CSMD3: variants seen among roughly 807,000 people sequenced by gnomAD.
CSMD3 encodes CUB and sushi domain-containing protein 3.
A neutral mutation model predicts 435.2 loss-of-function variants in CSMD3; 177 were observed. The observed-to-expected ratio is 0.41, with a 90% confidence interval of 0.36 to 0.46. The LOEUF is 0.46. Among genes scored for constraint, CSMD3 ranks in the 20% least tolerant of loss-of-function variants. CSMD3 has a pLI of 0.34. For synonymous variants in CSMD3, 1,656 were observed against 1,520.5 expected (o/e 1.09, Z -2.07); for missense variants, 4,265 against 4,504.6 (o/e 0.95, Z 1.52).
chr8:112,722,552 C>A (rs1027525933), intron 13 of CSMD3, among the ~76,000 whole-genome samples: 3 of 152,036 alleles, frequency 2.0e-5, no homozygotes, highest in Non-Finnish European at 4.4e-5. Flanking sequence ...TGTGTGCATG[C>A]ACACGAGCCT....
intron 3 of CSMD3, among the ~76,000 whole-genome samples, chr8:113,191,365 G>C (rs553780902): frequency 1.2e-4 from 18 of 151,746 alleles, no homozygotes; most frequent in African/African-American, 4.3e-4. Flanking sequence ...ATACCCAATA[G>C]GCAGTTTTTC....
intron 24 of CSMD3, among the ~76,000 whole-genome samples, chr8:112,559,426 A>T (rs956639019): frequency 3.3e-5 from 5 of 151,792 alleles, no homozygotes; most frequent in Admixed American, 6.6e-5. Context: ...GAATAAGCTC[A>T]TTTGTTTTTC....
In CSMD3 at chr8:112,975,709, C is replaced by T; in HGVS notation, c.1342+128G>A. Reference sequence around the variant, plus strand: ...GGTTGTTACTATCCATATTTTTCAGCTACTTTGAACTTTTTCTTTTGCTTT... The same window carrying T: ...GGTTGTTACTATCCATATTTTTCAGTTACTTTGAACTTTTTCTTTTGCTTT... On this transcript the variant is annotated intron_variant, in intron 7 of 70. Transcript: ENST00000297405. The T allele has an allele frequency of 2.1e-6, 3 of 1,401,280 alleles. No individual in the cohort carries two copies. In the South Asian group the frequency reaches 3.9e-5, roughly 18 times the overall value. The allele number at this position is 1,401,280 out of a possible 1,614,324, so 86.8% of individuals were successfully genotyped here.
chr8:113,244,294 AG>A (rs1238817819), intron 3 of CSMD3, among the ~76,000 whole-genome samples: 1 of 152,058 alleles, frequency 6.6e-6, no homozygotes, highest in Non-Finnish European at 1.5e-5. Context: ...CTTACATTTA[AG>A]TCTATGATAT....
At chr8:113,195,792 T>TAC (rs1491309778) in intron 3 of CSMD3, among the ~76,000 whole-genome samples, 23 of 35,220 alleles carry the variant, frequency 6.5e-4, no homozygotes, top group Non-Finnish European at 8.7e-4. Flanking sequence ...TCCTATATTT[T>TAC]ATATATATAT....
chr8:113,187,893 C>G (rs2092531608), intron 3 of CSMD3, among the ~76,000 whole-genome samples: 1 of 151,980 alleles, frequency 6.6e-6, no homozygotes, highest in African/African-American at 2.4e-5. Flanking sequence ...TTGCCTTACG[C>G]TTGCCTAGCC....
Position 112,938,040 on chromosome 8 carries a change from AG to A in CSMD3, c.1508+9749del, listed in dbSNP as rs545714519. 3.2e-3 allele frequency among the ~76,000 whole-genome samples: 483 copies of A among 152,268 alleles called. 4 individuals are homozygous for A. Among genetic ancestry groups the A allele is most frequent in the African/African-American group, 1.0e-2 (414 of 41,562 alleles). ...ACCCAACTAAAACAGTCGAGAAGCC[AG>A]GGGGGAAAAGCACTCAGAATATATA... On this transcript the variant is annotated intron_variant, in intron 9 of 70. Coordinates refer to ENST00000297405, the MANE Select transcript of CSMD3 (RefSeq NM_198123.2).
At chr8:113,350,162 G>C (rs2094180355) in intron 1 of CSMD3, among the ~76,000 whole-genome samples, 1 of 151,958 alleles carries the variant, frequency 6.6e-6, no homozygotes, top group Non-Finnish European at 1.5e-5. Flanking sequence ...AAAGGCATGA[G>C]TGACCCCCGA....
At chr8:112,738,349 G>A (rs2077230689) in intron 13 of CSMD3, among the ~76,000 whole-genome samples, 1 of 151,788 alleles carries the variant, frequency 6.6e-6, no homozygotes, top group Admixed American at 6.6e-5. Context: ...TGGTATGTAA[G>A]TGTTCAATAA....
intron 12 of CSMD3, among the ~76,000 whole-genome samples, chr8:112,821,135 T>C (rs980234158): frequency 5.9e-5 from 9 of 152,118 alleles, no homozygotes; most frequent in Non-Finnish European, 7.4e-5. Context: ...TACCTTTATA[T>C]AGAATGATTT....
At chr8:113,221,988 A>G (rs1369225009) in intron 3 of CSMD3, among the ~76,000 whole-genome samples, 1 of 150,328 alleles carries the variant, frequency 6.7e-6, no homozygotes. Flanking sequence ...GCAGACACTC[A>G]ATGCGCATTT....
At chr8:112,668,919 G>A (rs549531457) in intron 16 of CSMD3, among the ~76,000 whole-genome samples, 9 of 151,020 alleles carry the variant, frequency 6.0e-5, no homozygotes, top group Non-Finnish European at 1.0e-4. Context: ...AGAAAGGAGA[G>A]GCTAAATGTA....
chr8:113,399,618 A>G (rs1204789425), intron 1 of CSMD3, among the ~76,000 whole-genome samples: 1 of 152,016 alleles, frequency 6.6e-6, no homozygotes, highest in Non-Finnish European at 1.5e-5. Context: ...AAAAAATAGA[A>G]TAGCAGCTTC....
chr8:113,108,188 G>A (rs573094830), intron 4 of CSMD3, among the ~76,000 whole-genome samples: 13 of 152,158 alleles, frequency 8.5e-5, no homozygotes, highest in South Asian at 4.1e-4. Flanking sequence ...CCAGCACTTC[G>A]GGAGGCCAAG....
intron 13 of CSMD3, among the ~76,000 whole-genome samples, chr8:112,795,866 G>T (rs958776396): frequency 6.6e-6 from 1 of 151,914 alleles, no homozygotes; most frequent in Non-Finnish European, 1.5e-5. Context: ...TACCACACAA[G>T]TATACAAAAA....
chr8:112,934,237 G>A (rs2083207646), intron 9 of CSMD3, among the ~76,000 whole-genome samples: 1 of 152,130 alleles, frequency 6.6e-6, no homozygotes, highest in Non-Finnish European at 1.5e-5. Flanking sequence ...TGGAGAAGTA[G>A]CTAGTTCCTG....
In CSMD3 at chr8:112,618,757, T is replaced by C. The variant is rs188543197; in HGVS notation, c.3715+18060A>G. Among the ~76,000 whole-genome samples the C allele has an allele frequency of 1.6e-4, 25 of 152,186 alleles. 1 individual carries two copies. Among genetic ancestry groups the C allele is most frequent in the Admixed American group, 1.4e-3 (21 of 15,268 alleles). ...TATTTCTGGCTATAGGCTTTATCAG[T>C]ATCATAGAGAGGAGGGCTAATACTG... On this transcript the variant is annotated intron_variant, in intron 22 of 70. Coordinates refer to ENST00000297405, the MANE Select transcript of CSMD3 (RefSeq NM_198123.2).
intron 6 of CSMD3, among the ~76,000 whole-genome samples, chr8:112,980,742 G>T (rs564807881): frequency 1.3e-5 from 2 of 151,516 alleles, no homozygotes; most frequent in East Asian, 3.9e-4. Flanking sequence ...GCTCTGATTT[G>T]TTACATTTTT....
intron 10 of CSMD3, among the ~76,000 whole-genome samples, chr8:112,921,319 A>G (rs761930295): frequency 1.6e-4 from 24 of 152,076 alleles, no homozygotes; most frequent in Admixed American, 8.6e-4. Flanking sequence ...GCTTTAAAAT[A>G]TCTGTATCAT....
Sources: gnomAD v4.1 joint callset for allele counts (sites outside exome capture counted in the v4.1 genomes callset) on GRCh38, gnomAD v4.1.1 for gene constraint, MANE v1.5 for transcripts, NCBI Gene and HGNC (gene_info 2026-07-23, HGNC 2026-07-21) for gene names.